The following FASN variants were observed in gnomAD, a reference collection of about 807,000 sequenced individuals.
FASN encodes the protein 3-hydroxyacyl-[acyl-carrier-protein] dehydratase.
A neutral mutation model predicts 250.0 loss-of-function variants in FASN; 50 were observed. That is an observed-to-expected ratio of 0.20 (90% CI 0.16 to 0.25). The LOEUF (loss-of-function observed/expected upper bound fraction) is 0.25. Ranked by LOEUF, FASN falls within the 10% of genes least tolerant of loss-of-function variation. The pLI is 1.00. For missense variants in FASN, 3,031 were observed against 3,498.5 expected, an observed-to-expected ratio of 0.87 and a Z score of 3.37; for synonymous variants, 1,909 against 1,584.0, an observed-to-expected ratio of 1.21 and a Z score of -4.87.
Position 82,079,110 on chromosome 17 carries a change from G to A in FASN, c.*33C>T, listed in dbSNP as rs756739982. The A allele has an allele frequency of 2.4e-5, 38 of 1,597,072 alleles. No individual in the cohort carries two copies. Among genetic ancestry groups the A allele is most frequent in the South Asian group, 3.3e-5 (3 of 90,304 alleles). On this transcript the variant is annotated 3_prime_UTR_variant, in exon 43 of 43. Transcript: ENST00000306749. ...GGGGTGGGGTGGGGTGGGGATGGTG[G>A]AGTGACCTCCGGTGGCAGGCGGGGG...
chr17:82,088,385 C>T lies in FASN; in HGVS notation c.2593+5G>A. 1 of 1,612,186 alleles carries T rather than the reference C, an allele frequency of 6.2e-7. No individual in the cohort carries two copies. The highest frequency in any genetic ancestry group is 8.5e-7 in the Non-Finnish European group (1 of 1,179,768). On this transcript the variant is annotated splice_donor_5th_base_variant and intron_variant, in intron 16 of 42. Coordinates refer to ENST00000306749, the MANE Select transcript of FASN (RefSeq NM_004104.5). Reference sequence around the variant, plus strand: ...AGTCTGCCCACCCGCCGGGCCCCTGCTCACCGATGTTGTAGATGGCGGCTG... The same window carrying T: ...AGTCTGCCCACCCGCCGGGCCCCTGTTCACCGATGTTGTAGATGGCGGCTG...
At chr17:82,083,731 G>T in intron 30 of FASN, 41 bp downstream of exon 30, 1 of 1,610,276 alleles carries the variant, frequency 6.2e-7, no homozygotes, top group East Asian at 2.2e-5. Context: ...CTGGGCCGGA[G>T]GCTAGGCAGG....
At chr17:82,079,640 A>G in intron 41 of FASN, 32 bp from the exon 42 acceptor site, 1 of 1,595,732 alleles carries the variant, frequency 6.3e-7, no homozygotes, top group Non-Finnish European at 8.5e-7. Context: ...AGGTGCTGGC[A>G]GCACCCACAG....
Position 82,080,526 on chromosome 17 carries a change from C to T in FASN, c.6891G>A (p.Gln2297=), listed in dbSNP as rs866527364. ...AYYIDCIRQV[Q]PEGPYRVAGY... The stretch of plus-strand genomic sequence containing the variant: ...CGGCCACGCGGTAGGGGCCCTCGGG[C>T]TGCACCTGCCTGATGCAGTCGATGT... The change falls in exon 40 of 43, where the codon CAG becomes CAA. Residue 2297 remains glutamine, a synonymous_variant. Coordinates refer to ENST00000306749, the MANE Select transcript of FASN (RefSeq NM_004104.5). The T allele has an allele frequency of 2.2e-5, 34 of 1,560,806 alleles. No homozygotes were observed. Among genetic ancestry groups the T allele is most frequent in the Admixed American group, 7.6e-5 (4 of 52,316 alleles).
intron 3 of FASN, among the ~76,000 whole-genome samples, chr17:82,094,725 C>T (rs1223343275): frequency 6.6e-6 from 1 of 151,620 alleles, no homozygotes; most frequent in Non-Finnish European, 1.5e-5. Context: ...GGAGGCAGAG[C>T]TTGCAGTGAG....
chr17:82,087,883 A>G (rs1226157326), intron 18 of FASN, 22 bp from the exon 19 acceptor site: 1 of 1,612,552 alleles, frequency 6.2e-7, no homozygotes, highest in Admixed American at 1.7e-5. Context: ...GAGGTGCGGA[A>G]GGGCCTGAGG....
At position 82,092,449 on chromosome 17, in the gene FASN, A is replaced by G. The variant is rs2034228006; in HGVS notation, c.1029+6T>C. On this transcript the variant is annotated splice_donor_region_variant and intron_variant, in intron 8 of 42. Coordinates refer to ENST00000306749, the MANE Select transcript of FASN (RefSeq NM_004104.5). ...CTGAGGGACCCCCAAGCCCAGCCCC[A>G]CCTACCTTGGCCAGGGCTGCCAGCC... is the stretch of plus-strand genomic sequence containing the variant. 1.3e-6 allele frequency: 2 copies of G among 1,565,960 alleles called. No homozygotes were observed. The highest frequency in any genetic ancestry group is 1.3e-5 in the African/African-American group (1 of 74,128).
In FASN at chr17:82,088,043, C is replaced by A; in HGVS notation, c.2786-9G>T. ...CTCCAGGGACACTGTCCCTGCAGAG[C>A]GGGAGAGTTGGAGATCAGAGGGCAG... On this transcript the variant is annotated splice_polypyrimidine_tract_variant and intron_variant, in intron 17 of 42. Coordinates refer to ENST00000306749, the MANE Select transcript of FASN (RefSeq NM_004104.5). 2 of 1,612,658 alleles carry A rather than the reference C, an allele frequency of 1.2e-6. No individual in the cohort carries two copies. The highest frequency in any genetic ancestry group is 1.7e-6 in the Non-Finnish European group (2 of 1,179,862).
rs766103010 is a variant in FASN at position 82,079,288 on chromosome 17, G to A, written c.7399-8C>T. 2.5e-6 allele frequency: 4 copies of A among 1,613,030 alleles called. No individual in the cohort carries two copies. On this transcript the variant is annotated splice_region_variant and splice_polypyrimidine_tract_variant and intron_variant, in intron 42 of 42. Coordinates refer to ENST00000306749, the MANE Select transcript of FASN (RefSeq NM_004104.5). ...TACTTTCCCGTCGCATACCTGCAGG[G>A]GATGCGATCAGCTGCCGTCCCACCC...
chr17:82,081,074 G>A (rs1374410449), intron 38 of FASN, 90 bp downstream of exon 38: 16 of 1,472,474 alleles, frequency 1.1e-5, no homozygotes, highest in Middle Eastern at 2.2e-4. Context: ...GACGAAGGGC[G>A]GTATGCCTGC....
intron 8 of FASN, among the ~76,000 whole-genome samples, 155 bp from the exon 9 acceptor site, chr17:82,091,839 A>G (rs539494617): frequency 1.3e-5 from 2 of 152,222 alleles, no homozygotes; most frequent in East Asian, 3.9e-4. Flanking sequence ...GCCATGGCAC[A>G]GGGGTCCGAG....
At chr17:82,095,177 C>A in intron 3 of FASN, 143 bp downstream of exon 3, 1 of 1,012,792 alleles carries the variant, frequency 9.9e-7, no homozygotes, top group Non-Finnish European at 1.5e-6. Flanking sequence ...CCTCCCTGAG[C>A]CCGTTGGCCA....
At position 82,079,215 on chromosome 17, in the gene FASN, G is replaced by A. The variant is rs1163971329; in HGVS notation, c.7464C>T (p.Ser2488=). ...TGATGCTGATGATGGACTCCAGGCC[G>A]CTGCCCTCCAGCAGCGTGCGGTGGT... ...EGDHRTLLEG[S]GLESIISIIH... is the part of the protein sequence containing the mutation. The change falls in exon 43 of 43, where the codon AGC becomes AGT. Residue 2488 remains serine (S), a synonymous_variant. Transcript: ENST00000306749. 17 of 1,612,856 alleles carry A rather than the reference G, an allele frequency of 1.1e-5. No individual in the cohort carries two copies. Among genetic ancestry groups the A allele is most frequent in the Non-Finnish European group, 1.4e-5 (17 of 1,179,972 alleles).
chr17:82,083,922 C>T, intron 29 of FASN, 31 bp from the exon 30 acceptor site: 6 of 1,552,032 alleles, frequency 3.9e-6, no homozygotes, highest in Non-Finnish European at 4.4e-6. Flanking sequence ...GGCTGGTGAG[C>T]CAGGGCGGCG....
rs2034082979 is a variant in FASN at position 82,085,624 on chromosome 17, G to A, written c.3980C>T (p.Ser1327Leu). The change falls in exon 23 of 43, where the codon TCA becomes TTA. Residue 1327 changes from serine (S) to leucine (L), a missense_variant. Physicochemically the swap from Ser to Leu is moderately radical, Grantham distance 145. Coordinates refer to ENST00000306749, the MANE Select transcript of FASN (RefSeq NM_004104.5). ...GGCAGCCACCATGTTGCTGAGAGCT[G>A]AGGCCGGGTCCCCGAGGGCAGCCAC... The part of the protein sequence containing the change: ...CAVAALGDPA[S>L]ALSNMVAALR... 5 of 1,599,068 alleles carry A rather than the reference G, an allele frequency of 3.1e-6. No homozygotes were observed. The highest frequency in any genetic ancestry group is 4.3e-6 in the Non-Finnish European group (5 of 1,173,770).
At chr17:82,090,289 C>T (rs1400713750) in intron 11 of FASN, 86 bp downstream of exon 11, 7 of 1,377,182 alleles carry the variant, frequency 5.1e-6, no homozygotes, top group African/African-American at 1.4e-5. Flanking sequence ...CCTACGGGGG[C>T]CAGGCCAGGG....
chr17:82,091,256 G>A lies in FASN; in HGVS notation c.1458C>T (p.Pro486=), dbSNP rs750411778. ...TGAACCAGAGCGGGCGCTCGCCAGC[G>A]GGCACCTGCTGCACCTCTGGGCCAC... ...ERGGPEVQQV[P]AGERPLWFIC... The change falls in exon 9 of 43, where the codon CCC becomes CCT. Residue 486 remains proline (P), a synonymous_variant. Transcript: ENST00000306749. The A allele has an allele frequency of 1.1e-5, 18 of 1,601,944 alleles. No homozygotes were observed. Among genetic ancestry groups the A allele is most frequent in the Middle Eastern group, 1.7e-4 (1 of 6,052 alleles).
At chr17:82,092,675 G>C (rs1568116640) in intron 7 of FASN, 22 bp downstream of exon 7, 2 of 1,402,790 alleles carry the variant, frequency 1.4e-6, no homozygotes, top group Non-Finnish European at 1.9e-6. Context: ...GTGGTGAGTG[G>C]GGCGGGGGGG....
intron 3 of FASN, among the ~76,000 whole-genome samples, chr17:82,094,349 G>A (rs975951194): frequency 2.0e-5 from 3 of 151,928 alleles, no homozygotes; most frequent in Middle Eastern, 3.4e-3. Context: ...TCCACCTCTC[G>A]GCCAGCAGGG....
Sources: allele counts gnomAD v4.1 joint callset (sites outside exome capture counted in the v4.1 genomes callset), GRCh38; gene constraint gnomAD v4.1.1; transcripts MANE v1.5; gene names NCBI Gene and HGNC (gene_info 2026-07-23, HGNC 2026-07-21).